KANK4: variants seen among roughly 807,000 people sequenced by gnomAD.
KANK4 encodes KN motif and ankyrin repeat domain-containing protein 4.
A neutral mutation model predicts 80.8 loss-of-function variants in KANK4; 50 were observed. That is an observed-to-expected ratio of 0.62 (90% CI 0.49 to 0.78). The LOEUF (loss-of-function observed/expected upper bound fraction) is 0.78, where lower values mean the gene tolerates loss of function less well. Among genes scored for constraint, KANK4 ranks in the 30% least tolerant of loss-of-function variants. The pLI is 0.00. For missense variants in KANK4, 1,196 were observed against 1,240.1 expected, an observed-to-expected ratio of 0.96 and a Z score of 0.53; for synonymous variants, 465 against 506.9, an observed-to-expected ratio of 0.92 and a Z score of 1.11.
chr1:62,287,745 G>A (rs1295480796), intron 1 of KANK4, among the ~76,000 whole-genome samples: 36 of 152,130 alleles, frequency 2.4e-4, no homozygotes, highest in Admixed American at 2.4e-3. Flanking sequence ...GAAGATTCTA[G>A]AGACTCTTGC....
At chr1:62,242,971 T>C (rs561486741) in intron 9 of KANK4, among the ~76,000 whole-genome samples, 2 of 152,268 alleles carry the variant, frequency 1.3e-5, no homozygotes, top group East Asian at 3.9e-4. Context: ...CCCTTGGGAA[T>C]CTGCATGTGA....
Position 62,274,443 on chromosome 1 carries a change from A to T in KANK4, c.661T>A (p.Ser221Thr). 6.2e-7 allele frequency: 1 copy of T among 1,614,174 alleles called. No individual in the cohort carries two copies. The highest frequency in any genetic ancestry group is 8.5e-7 in the Non-Finnish European group (1 of 1,180,014). The stretch of plus-strand genomic sequence containing the variant: ...TGGACCAGCTCTGGAATCCGAGTTG[A>T]TGCTCGTGGGCTGGAGCTGTGGAAA... ...AGFHSSSPRASTRIPELVQEG... is the reference protein window; with the variant it reads ...AGFHSSSPRATTRIPELVQEG... Residue 221 changes from serine to threonine, a missense_variant, in exon 3 of 10, where the codon TCA becomes ACA. By Grantham distance (58) the Ser-to-Thr change is moderately conservative (BLOSUM62 1). Around this residue, in one of 3 missense-constraint regions of KANK4, gnomAD observed 1,154 missense variants for 1,179.6 expected, o/e 0.98. Coordinates refer to ENST00000371153, the MANE Select transcript of KANK4 (RefSeq NM_181712.5).
intron 9 of KANK4, among the ~76,000 whole-genome samples, chr1:62,243,521 TAG>T (rs1446015949): frequency 6.6e-6 from 1 of 152,082 alleles, no homozygotes; most frequent in African/African-American, 2.4e-5. Context: ...GTGTTTTTAG[TAG>T]AGACAGGGTT....
intron 1 of KANK4, among the ~76,000 whole-genome samples, chr1:62,314,083 G>C (rs192278544): frequency 1.1e-4 from 17 of 152,124 alleles, no homozygotes; most frequent in African/African-American, 4.1e-4. Context: ...GCGCGATCTC[G>C]GCTCACTGCA....
At chr1:62,238,755 A>T (rs530561300) in intron 9 of KANK4, among the ~76,000 whole-genome samples, 1 of 150,706 alleles carries the variant, frequency 6.6e-6, no homozygotes, top group Non-Finnish European at 1.5e-5. Context: ...TCAGCCTCCC[A>T]AGTAGCTGGG....
chr1:62,285,587 A>G (rs1314025601), intron 1 of KANK4, among the ~76,000 whole-genome samples: 3 of 152,190 alleles, frequency 2.0e-5, no homozygotes, highest in African/African-American at 7.2e-5. Context: ...TTCATCCCAG[A>G]GCAGGCTGCA....
At chr1:62,269,836 A>T (rs1051300302) in intron 4 of KANK4, among the ~76,000 whole-genome samples, 1 of 152,240 alleles carries the variant, frequency 6.6e-6, no homozygotes, top group Non-Finnish European at 1.5e-5. Context: ...TGGCTACTTT[A>T]ATTAGAGCAG....
chr1:62,265,173 C>T (rs150955147), intron 6 of KANK4, among the ~76,000 whole-genome samples: 88 of 151,776 alleles, frequency 5.8e-4, no homozygotes, highest in African/African-American at 1.8e-3. Context: ...GACCTTAGTT[C>T]GATAATTCAA....
At chr1:62,242,752 C>A (rs1671374395) in intron 9 of KANK4, among the ~76,000 whole-genome samples, 1 of 152,170 alleles carries the variant, frequency 6.6e-6, no homozygotes, top group African/African-American at 2.4e-5. Context: ...CAAAGACATT[C>A]CCAAATGAGC....
At chr1:62,314,082 C>T (rs1246302487) in intron 1 of KANK4, among the ~76,000 whole-genome samples, 1 of 152,132 alleles carries the variant, frequency 6.6e-6, no homozygotes, top group African/African-American at 2.4e-5. Context: ...GGCGCGATCT[C>T]GGCTCACTGC....
At chr1:62,289,435 G>A (rs1672636168) in intron 1 of KANK4, among the ~76,000 whole-genome samples, 1 of 152,078 alleles carries the variant, frequency 6.6e-6, no homozygotes, top group African/African-American at 2.4e-5. Flanking sequence ...ATGAGGAGGG[G>A]ACTCACCCTC....
intron 2 of KANK4, among the ~76,000 whole-genome samples, chr1:62,278,785 A>G (rs1557493940): frequency 6.6e-6 from 1 of 152,066 alleles, no homozygotes. Flanking sequence ...AAATGAGAGC[A>G]ATATCTTGTA....
At chr1:62,278,385 CTTTCTTTCTTTCTTTTTT>C in intron 2 of KANK4, among the ~76,000 whole-genome samples, 1 of 44,656 alleles carries the variant, frequency 2.2e-5, no homozygotes, top group African/African-American at 7.2e-5. Context: ...TCCTTTCTTT[CTTTCTTTCTTTCTTTTTT>C]TTTTTTGAGA....
chr1:62,305,423 T>C (rs955547006), intron 1 of KANK4, among the ~76,000 whole-genome samples: 1 of 152,058 alleles, frequency 6.6e-6, no homozygotes, highest in Non-Finnish European at 1.5e-5. Context: ...ATTCTCCTGC[T>C]TCAGCCTCCC....
At chr1:62,315,557 T>C (rs57558524) in intron 1 of KANK4, among the ~76,000 whole-genome samples, 9,085 of 152,150 alleles carry the variant, frequency 0.06, 939 homozygotes, top group African/African-American at 0.2. Flanking sequence ...ATCCACGCCA[T>C]CATCCAGAAA....
At position 62,263,182 on chromosome 1, in the gene KANK4, C is replaced by G. The variant is rs1005702140; in HGVS notation, c.2449G>C (p.Val817Leu). ...TTCCCGTTGTGATCGGCCAAGTTGA[C>G]AAGCAGTTTCAGGAAGTGTGGGGAG... ...PHSPHFLKLLVNLADHNGNTA... is the reference protein window; with the variant it reads ...PHSPHFLKLLLNLADHNGNTA... The change falls in exon 7 of 10, where the codon GTC (valine) becomes CTC (leucine). Residue 817 changes from valine (V) to leucine (L), a missense_variant. Around this residue, in one of 3 missense-constraint regions of KANK4, gnomAD observed 1,154 missense variants for 1,179.6 expected, o/e 0.98. Transcript: ENST00000371153. The G allele has an allele frequency of 1.2e-6, 2 of 1,614,000 alleles. No individual in the cohort carries two copies. The highest frequency in any genetic ancestry group is 1.3e-5 in the African/African-American group (1 of 75,016).
chr1:62,241,126 A>G (rs1671331100), intron 9 of KANK4, among the ~76,000 whole-genome samples: 1 of 152,174 alleles, frequency 6.6e-6, no homozygotes, highest in South Asian at 2.1e-4. Context: ...TCACAGAAGC[A>G]GGCAGGAAGT....
chr1:62,296,150 C>A (rs1571035648), intron 1 of KANK4, among the ~76,000 whole-genome samples: 1 of 152,314 alleles, frequency 6.6e-6, no homozygotes, highest in East Asian at 1.9e-4. Flanking sequence ...GAGAAAATAC[C>A]AAACGGGAAG....
intron 1 of KANK4, among the ~76,000 whole-genome samples, chr1:62,309,451 G>A (rs908172800): frequency 3.3e-5 from 5 of 152,112 alleles, no homozygotes; most frequent in African/African-American, 7.2e-5. Context: ...ATAAATCCTC[G>A]ACACACCAGT....
Sources: gnomAD v4.1 joint callset for allele counts (sites outside exome capture counted in the v4.1 genomes callset) on GRCh38, gnomAD v4.1.1 for gene constraint, gnomAD v4.1.1 regional missense constraint, MANE v1.5 for transcripts, NCBI Gene and HGNC (gene_info 2026-07-23, HGNC 2026-07-21) for gene names.